CEP63: variants seen among roughly 807,000 people sequenced by gnomAD.
The protein encoded by CEP63 is centrosomal protein of 63 kDa.
Under a neutral mutation model 89.1 loss-of-function variants are expected in CEP63, and 84 were observed. The ratio of observed to expected loss-of-function variants is 0.94; its 90% CI spans 0.79 to 1.13. The LOEUF (loss-of-function observed/expected upper bound fraction) is 1.13. Among genes scored for constraint, CEP63 ranks in the 50% most tolerant of loss-of-function variants. The pLI is 0.00. For synonymous variants in CEP63, 267 were observed against 272.5 expected (o/e 0.98, Z 0.20); for missense variants, 838 against 813.3 (o/e 1.03, Z -0.37).
chr3:134,603,517 C>G, the CEP63 span: 1 of 1,461,020 alleles, frequency 6.8e-7, no homozygotes, highest in Non-Finnish European at 9.2e-7. Flanking sequence ...GCACTTCCTT[C>G]GAGCCCTCCC....
the CEP63 span, among the ~76,000 whole-genome samples, chr3:134,672,465 T>C: frequency 6.6e-6 from 1 of 152,158 alleles, no homozygotes; most frequent in Non-Finnish European, 1.5e-5. Flanking sequence ...GAGAATATGG[T>C]TGCTAAATTC....
the CEP63 span, among the ~76,000 whole-genome samples, chr3:134,660,955 T>TG: frequency 1.3e-5 from 2 of 152,172 alleles, no homozygotes; most frequent in African/African-American, 4.8e-5. Context: ...TTGGAGTCTG[T>TG]GGCAGGAGTC....
the CEP63 span, among the ~76,000 whole-genome samples, chr3:134,647,247 G>A: frequency 2.0e-5 from 3 of 152,312 alleles, no homozygotes; most frequent in Middle Eastern, 3.4e-3. Flanking sequence ...GGAGAGCAGG[G>A]GACCTGACTC....
At chr3:134,775,615 G>T in the CEP63 span, among the ~76,000 whole-genome samples, 1 of 151,952 alleles carries the variant, frequency 6.6e-6, no homozygotes, top group African/African-American at 2.4e-5. Context: ...AGTCCAATAC[G>T]CCCCCTACTA....
chr3:134,725,390 A>G, the CEP63 span, among the ~76,000 whole-genome samples: 1 of 152,032 alleles, frequency 6.6e-6, no homozygotes, highest in African/African-American at 2.4e-5. Flanking sequence ...GTTACACCCC[A>G]AATACATATG....
chr3:134,607,942 C>T, the CEP63 span: 1 of 996,516 alleles, frequency 1.0e-6, no homozygotes, highest in Non-Finnish European at 1.2e-6. Context: ...CTTACTGTGT[C>T]CCCGCCTCTC....
chr3:134,604,542 A>C, the CEP63 span: 1 of 1,369,424 alleles, frequency 7.3e-7, no homozygotes, highest in Non-Finnish European at 1.0e-6. Context: ...TAAATGTTTA[A>C]CAACTGTCTC....
the CEP63 span, among the ~76,000 whole-genome samples, chr3:134,764,219 G>A: frequency 6.6e-6 from 1 of 152,200 alleles, no homozygotes; most frequent in African/African-American, 2.4e-5. Context: ...TTTCTGGTGG[G>A]ATTTTGGGGA....
intron 3 of CEP63, among the ~76,000 whole-genome samples, chr3:134,525,319 A>T (rs573675731): frequency 2.0e-4 from 31 of 152,218 alleles, no homozygotes; most frequent in African/African-American, 7.2e-4. Context: ...TCAAGAAATC[A>T]GCTTCTAGAT....
chr3:134,498,067 G>A lies in CEP63; in HGVS notation c.44+2703G>A, dbSNP rs578002714. ...GCTATTCAGGGCCTTTTATGGTTCG[G>A]TGTGAATTTTAGTATTATTTTTTCT... On this transcript the variant is annotated intron_variant, in intron 2 of 14. Transcript: ENST00000675561. Among the ~76,000 whole-genome samples, 6 of 152,228 alleles carry A rather than the reference G, an allele frequency of 3.9e-5. No individual in the cohort carries two copies. The South Asian group carries it at 1.0e-3, about 26-fold the overall frequency.
At chr3:134,590,061 G>T (rs1349216310), downstream of CEP63, among the ~76,000 whole-genome samples, 1 of 152,064 alleles carries the variant, frequency 6.6e-6, no homozygotes, top group Non-Finnish European at 1.5e-5. Context: ...ACAAAGAAGG[G>T]AACAACAGAC....
the CEP63 span, chr3:134,612,826 GGAGT>G: frequency 6.6e-6 from 1 of 150,792 alleles, no homozygotes; most frequent in Non-Finnish European, 1.5e-5. Flanking sequence ...GGAGGGGCAG[GGAGT>G]GAGAGGGGGA....
chr3:134,677,362 T>A, the CEP63 span, among the ~76,000 whole-genome samples: 3 of 152,230 alleles, frequency 2.0e-5, no homozygotes, highest in African/African-American at 7.2e-5. Flanking sequence ...TCCGTTTCCA[T>A]GTGTTTACCT....
chr3:134,569,850 G>C (rs563498404), downstream of CEP63, among the ~76,000 whole-genome samples: 1 of 152,214 alleles, frequency 6.6e-6, no homozygotes. Context: ...CTTCTGCCTG[G>C]ATATGCAAGC....
At chr3:134,678,590 A>G in the CEP63 span, among the ~76,000 whole-genome samples, 1 of 152,216 alleles carries the variant, frequency 6.6e-6, no homozygotes, top group Admixed American at 6.5e-5. Flanking sequence ...GTACTGCTCC[A>G]AAACCTCTTT....
the CEP63 span, among the ~76,000 whole-genome samples, chr3:134,758,148 C>T: frequency 6.6e-6 from 1 of 152,138 alleles, no homozygotes; most frequent in South Asian, 2.1e-4. Context: ...GGCTTGTAAA[C>T]GGCACAATTG....
chr3:134,750,101 A>G, the CEP63 span, among the ~76,000 whole-genome samples: 1 of 152,366 alleles, frequency 6.6e-6, no homozygotes, highest in East Asian at 1.9e-4. Context: ...TGGATTCTGC[A>G]ACCTGCAGTG....
At chr3:134,686,148 C>T in the CEP63 span, among the ~76,000 whole-genome samples, 1 of 152,198 alleles carries the variant, frequency 6.6e-6, no homozygotes, top group Non-Finnish European at 1.5e-5. Flanking sequence ...GTACCTGGCA[C>T]TGGGTGATCA....
At chr3:134,677,453 C>A in the CEP63 span, among the ~76,000 whole-genome samples, 1 of 152,158 alleles carries the variant, frequency 6.6e-6, no homozygotes, top group Non-Finnish European at 1.5e-5. Context: ...AGCAGGTGCA[C>A]CTTCATGGTC....
Sources: gnomAD v4.1 joint callset for allele counts (sites outside exome capture counted in the v4.1 genomes callset) on GRCh38, gnomAD v4.1.1 for gene constraint, MANE v1.5 for transcripts, NCBI Gene and HGNC (gene_info 2026-07-23, HGNC 2026-07-21) for gene names.